The following PACRGL variants were observed in gnomAD, a reference collection of about 807,000 sequenced individuals.
PACRGL encodes parkin coregulated like, also known as PACRG-like protein.
In PACRGL, 38 loss-of-function variants were observed where a neutral mutation model predicts 34.5. The observed-to-expected ratio is 1.10, with a 90% CI of 0.85 to 1.44. The LOEUF (loss-of-function observed/expected upper bound fraction) is 1.44, where lower values mean the gene tolerates loss of function less well. Among genes scored for constraint, PACRGL ranks in the 40% most tolerant of loss-of-function variants. The probability of loss-of-function intolerance (pLI) is 0.00; values close to 1 mark genes in which losing one functional copy is unlikely to be tolerated. For synonymous variants in PACRGL, 128 were observed against 100.1 expected (o/e 1.28, Z -1.66); for missense variants, 305 against 281.4 (o/e 1.08, Z -0.60).
Position 20,730,245 on chromosome 4 carries a change from G to T in PACRGL, c.*2904G>T. On this transcript the variant is annotated 3_prime_UTR_variant, in exon 9 of 9. Transcript: ENST00000503585. ...ACCACCTCAACCACCTATGCCAAAA[G>T]CTCAAATATTAAGTGTTTGCAAATG... 1 of 1,295,158 alleles carries T rather than the reference G, an allele frequency of 7.7e-7. No individual in the cohort carries two copies. 80.2% of individuals were successfully genotyped at this position (1,295,158 alleles called of 1,614,324 possible).
downstream of PACRGL, among the ~76,000 whole-genome samples, chr4:20,753,108 A>G (rs1409647025): frequency 6.6e-6 from 1 of 152,174 alleles, no homozygotes; most frequent in Non-Finnish European, 1.5e-5. Context: ...TTTATAGTTG[A>G]GCAACAAAAT....
At chr4:20,696,518 AG>A (rs1198134688), upstream of PACRGL, 3 of 152,200 alleles carry the variant, frequency 2.0e-5, no homozygotes, top group Non-Finnish European at 4.4e-5. Context: ...GAAAGGGTAA[AG>A]ACATTTGTAA....
At chr4:20,755,924 A>G (rs1455022560), downstream of PACRGL, among the ~76,000 whole-genome samples, 3 of 152,078 alleles carry the variant, frequency 2.0e-5, no homozygotes, top group African/African-American at 7.2e-5. Flanking sequence ...GATAAGGCAG[A>G]GAAGGGACAA....
downstream of PACRGL, among the ~76,000 whole-genome samples, chr4:20,757,898 AT>A (rs1197439729): frequency 6.6e-6 from 1 of 152,142 alleles, no homozygotes; most frequent in Admixed American, 6.5e-5. Flanking sequence ...GTCTCTTTTT[AT>A]GTCCTCTCTG....
chr4:20,707,952 T>C (rs1295760792), intron 4 of PACRGL, 82 bp downstream of exon 4: 1 of 1,107,378 alleles, frequency 9.0e-7, no homozygotes, highest in Non-Finnish European at 1.3e-6. Context: ...TTAAATGTAT[T>C]GTAAGTTTTA....
rs1251842921 is a variant in PACRGL at position 20,730,056 on chromosome 4, G to GTTGGATTCAGGATCTATT, written c.*2717_*2734dup. 1 of 1,600,936 alleles carries GTTGGATTCAGGATCTATT rather than the reference G, an allele frequency of 6.2e-7. No homozygotes were observed. The highest frequency in any genetic ancestry group is 1.3e-5 in the African/African-American group (1 of 74,242). ...GTGGTAGAATAGTTCACATTTGTCT[G>GTTGGATTCAGGATCTATT]TTGGATTCAGGATCTATTTGACAAG... On this transcript the variant is annotated 3_prime_UTR_variant, in exon 9 of 9. Coordinates refer to ENST00000503585, the MANE Select transcript of PACRGL (RefSeq NM_001258345.3).
chr4:20,725,132 G>C (rs918471444), intron 8 of PACRGL, among the ~76,000 whole-genome samples: 1 of 152,116 alleles, frequency 6.6e-6, no homozygotes, highest in Non-Finnish European at 1.5e-5. Flanking sequence ...CTTTCACAGT[G>C]CTTAATGTGG....
Position 20,713,515 on chromosome 4 carries a change from CCATCTGAAG to C in PACRGL, c.592_600del (p.Lys198_Leu200del), listed in dbSNP as rs772049211. The C allele has an allele frequency of 2.5e-6, 4 of 1,612,704 alleles. No homozygotes were observed. The South Asian group carries it at 4.4e-5, about 18-fold the overall frequency. Reference sequence around the variant, plus strand: ...TCGTTGTTGGTCCTTCTCTAAACGACCATCTGAAGCATCTGCTTACAAGCGTAAGTACTG... The same window carrying C: ...TCGTTGTTGGTCCTTCTCTAAACGACCATCTGCTTACAAGCGTAAGTACTG... On this transcript the variant is annotated inframe_deletion, in exon 7 of 9. Transcript: ENST00000503585.
At position 20,744,747 on chromosome 4, in the gene PACRGL, C is replaced by T. The variant is rs182473014; in HGVS notation, c.*57-7818C>T. ...CAAACCTGCACATTTTGCACATGTA[C>T]CCTAGAACTTAAAGAATAATAATAA... On this transcript the variant is annotated intron_variant, in intron 8 of 8. Coordinates refer to the PACRGL transcript ENST00000507634. Among the ~76,000 whole-genome samples, 353 of 152,038 alleles carry T rather than the reference C, an allele frequency of 2.3e-3. 8 individuals carry two copies. The South Asian group carries it at 0.046, about 20-fold the overall frequency.
At chr4:20,703,477 A>AGAGT (rs113865427) in intron 1 of PACRGL, among the ~76,000 whole-genome samples, 2 of 141,464 alleles carry the variant, frequency 1.4e-5, no homozygotes, top group Non-Finnish European at 3.1e-5. Flanking sequence ...TGGGTATATG[A>AGAGT]GTGTGTGTGT....
chr4:20,763,956 A>C, the PACRGL span, among the ~76,000 whole-genome samples: 1 of 152,206 alleles, frequency 6.6e-6, no homozygotes, highest in Non-Finnish European at 1.5e-5. Flanking sequence ...TCAAGTAAAC[A>C]AGTACAATGA....
chr4:20,732,847 GCT>G (rs1748662878), downstream of PACRGL: 2 of 994,230 alleles, frequency 2.0e-6, no homozygotes, highest in African/African-American at 1.6e-5. Context: ...AGTCTAAGAA[GCT>G]CTGACAGATT....
chr4:20,705,102 C>T (rs1733932465), intron 3 of PACRGL, among the ~76,000 whole-genome samples: 1 of 152,152 alleles, frequency 6.6e-6, no homozygotes. Flanking sequence ...TTTACTTCCC[C>T]ATATCAATGA....
intron 7 of PACRGL, among the ~76,000 whole-genome samples, chr4:20,715,037 A>G (rs547363761): frequency 6.9e-4 from 105 of 152,354 alleles, no homozygotes; most frequent in African/African-American, 2.4e-3. Context: ...ATGTCCAACA[A>G]TGGTAGACTG....
intron 8 of PACRGL, among the ~76,000 whole-genome samples, chr4:20,748,344 G>T (rs535493993): frequency 6.6e-6 from 1 of 151,788 alleles, no homozygotes; most frequent in South Asian, 2.1e-4. Flanking sequence ...CCCATTCCAA[G>T]CCTTTGTTCT....
At chr4:20,710,042 A>G (rs1736401470) in intron 5 of PACRGL, among the ~76,000 whole-genome samples, 1 of 152,218 alleles carries the variant, frequency 6.6e-6, no homozygotes, top group Admixed American at 6.5e-5. Context: ...TTCAAAAAAA[A>G]TATGTGGACT....
intron 7 of PACRGL, among the ~76,000 whole-genome samples, chr4:20,717,879 T>C (rs1320232490): frequency 9.2e-5 from 14 of 152,176 alleles, no homozygotes; most frequent in Non-Finnish European, 2.1e-4. Flanking sequence ...AAGAAAGTCA[T>C]TGGTAGCTCG....
downstream of PACRGL, among the ~76,000 whole-genome samples, chr4:20,755,262 T>G (rs1001670326): frequency 6.6e-5 from 10 of 152,210 alleles, no homozygotes; most frequent in African/African-American, 2.4e-4. Context: ...AAAATTTGTT[T>G]TGACATGTTA....
chr4:20,731,859 G>T lies in PACRGL; in HGVS notation c.*4518G>T. 1 of 1,422,482 alleles carries T rather than the reference G, an allele frequency of 7.0e-7. No individual in the cohort carries two copies. The highest frequency in any genetic ancestry group is 9.2e-7 in the Non-Finnish European group (1 of 1,088,104). The allele number at this position is 1,422,482 out of a possible 1,614,324, so 88.1% of individuals were successfully genotyped here. On this transcript the variant is annotated 3_prime_UTR_variant, in exon 9 of 9. Coordinates refer to ENST00000503585, the MANE Select transcript of PACRGL (RefSeq NM_001258345.3). ...TATGTAATTGGTGCTTGTTTTCAGA[G>T]TGGTAGGCTTATGCTGCATGTTGTA... is the stretch of plus-strand genomic sequence containing the variant.
Sources: allele counts gnomAD v4.1 joint callset (sites outside exome capture counted in the v4.1 genomes callset), GRCh38; gene constraint gnomAD v4.1.1; transcripts MANE v1.5; gene names NCBI Gene and HGNC (gene_info 2026-07-23, HGNC 2026-07-21).